MAP3K7: variants seen among roughly 807,000 people sequenced by gnomAD.
The protein encoded by MAP3K7 is mitogen-activated protein kinase kinase kinase 7, also known as TGF-beta activated kinase 1.
Under a neutral mutation model 84.8 loss-of-function variants are expected in MAP3K7, and 21 were observed. That is an observed-to-expected ratio of 0.25 (90% CI 0.18 to 0.36). The LOEUF (loss-of-function observed/expected upper bound fraction) is 0.36. MAP3K7 is among the 10% of genes least tolerant of loss of function. The pLI is 1.00. For synonymous variants in MAP3K7, 241 were observed against 247.7 expected, an observed-to-expected ratio of 0.97 and a Z score of 0.25; for missense variants, 503 against 747.7, an observed-to-expected ratio of 0.67 and a Z score of 3.82.
At chr6:90,544,714 C>A in intron 11 of MAP3K7, 82 bp from the exon 12 acceptor site, 2 of 1,113,976 alleles carry the variant, frequency 1.8e-6, no homozygotes, top group South Asian at 1.3e-5. Context: ...AAAATAGACT[C>A]ATTTTCAAAT....
chr6:90,537,552 T>A (rs1193208914), intron 12 of MAP3K7, among the ~76,000 whole-genome samples: 1 of 152,020 alleles, frequency 6.6e-6, no homozygotes, highest in East Asian at 1.9e-4. Flanking sequence ...AAAACTCAAA[T>A]TTGTAACTCC....
intron 13 of MAP3K7, among the ~76,000 whole-genome samples, chr6:90,532,558 CTAAA>C (rs1456277721): frequency 6.6e-6 from 1 of 152,192 alleles, no homozygotes; most frequent in Non-Finnish European, 1.5e-5. Context: ...GCCCACTTCT[CTAAA>C]TAATCATAAC....
rs536501242 is a variant in MAP3K7, at chr6:90,555,800, G to A, written c.607+700C>T. On this transcript the variant is annotated intron_variant, in intron 6 of 16. Coordinates refer to ENST00000369329, the MANE Select transcript of MAP3K7 (RefSeq NM_145331.3). ...TGATCAATATATAGCCTTGTTTCAT[G>A]CGTATTTCTGCTTAAAGACACCTTA... Among the ~76,000 whole-genome samples, 13 of 152,212 alleles carry A rather than the reference G, an allele frequency of 8.5e-5. No individual in the cohort carries two copies. In the East Asian group the frequency reaches 2.5e-3, roughly 29 times the overall value.
At chr6:90,577,517 G>GA (rs1777126589) in intron 1 of MAP3K7, among the ~76,000 whole-genome samples, 1 of 152,180 alleles carries the variant, frequency 6.6e-6, no homozygotes, top group African/African-American at 2.4e-5. Context: ...TGGAGTAGAG[G>GA]AACTGAGCTT....
Position 90,563,013 on chromosome 6 carries a change from T to C in MAP3K7, c.298-1346A>G, listed in dbSNP as rs1487242089. On this transcript the variant is annotated intron_variant, in intron 3 of 16. Transcript: ENST00000369329. ...TCCAACAAACCTGCAGCTGAGGTCCTGACTGTTAGAAGGAAAACTAATAAA... is the reference window on the plus strand; with the variant it reads ...TCCAACAAACCTGCAGCTGAGGTCCCGACTGTTAGAAGGAAAACTAATAAA... Among the ~76,000 whole-genome samples, 7 of 152,200 alleles carry C rather than the reference T, an allele frequency of 4.6e-5. 1 individual carries two copies. Among genetic ancestry groups the C allele is most frequent in the Non-Finnish European group, 1.0e-4 (7 of 68,038 alleles).
At chr6:90,580,897 T>C (rs1215351856) in intron 1 of MAP3K7, among the ~76,000 whole-genome samples, 21 of 152,252 alleles carry the variant, frequency 1.4e-4, no homozygotes, top group Non-Finnish European at 2.9e-5. Flanking sequence ...TTAATTACTT[T>C]ATGATAAGCA....
intron 13 of MAP3K7, among the ~76,000 whole-genome samples, chr6:90,533,178 C>G (rs1013869266): frequency 6.6e-6 from 1 of 152,144 alleles, no homozygotes; most frequent in Non-Finnish European, 1.5e-5. Context: ...AGTCAGTGCA[C>G]AACAAATGGA....
chr6:90,562,316 T>C (rs1415838311), intron 3 of MAP3K7, among the ~76,000 whole-genome samples: 2 of 152,150 alleles, frequency 1.3e-5, no homozygotes, highest in Admixed American at 6.6e-5. Flanking sequence ...GGGAATTCAC[T>C]TTCCTAGACA....
intron 13 of MAP3K7, among the ~76,000 whole-genome samples, chr6:90,535,615 G>A (rs1232272690): frequency 1.3e-5 from 2 of 151,942 alleles, no homozygotes; most frequent in Non-Finnish European, 2.9e-5. Context: ...ATTAATCTGA[G>A]TAACACAGAA....
At chr6:90,521,608 TGTCA>T (rs1775153593) in intron 14 of MAP3K7, among the ~76,000 whole-genome samples, 1 of 152,104 alleles carries the variant, frequency 6.6e-6, no homozygotes, top group African/African-American at 2.4e-5. Context: ...ACTTTTAATG[TGTCA>T]GTATTATGAC....
At chr6:90,534,195 A>G (rs376546188) in intron 13 of MAP3K7, among the ~76,000 whole-genome samples, 2 of 152,206 alleles carry the variant, frequency 1.3e-5, no homozygotes, top group African/African-American at 4.8e-5. Flanking sequence ...AGACTTCAAA[A>G]AGGATGGCAC....
In MAP3K7 at chr6:90,576,470, CAG is replaced by C. The variant is rs1452785282; in HGVS notation, c.121-4665_121-4664del. ...ACACACACACACACACACACACACA[CAG>C]AAGAAACAACTAATATAAAGCTTTG... is the stretch of plus-strand genomic sequence containing the variant. On this transcript the variant is annotated intron_variant, in intron 1 of 16. Coordinates refer to ENST00000369329, the MANE Select transcript of MAP3K7 (RefSeq NM_145331.3). 7.6e-5 allele frequency among the ~76,000 whole-genome samples: 10 copies of C among 131,478 alleles called. No individual in the cohort carries two copies. The South Asian group carries it at 2.3e-3, about 30-fold the overall frequency. 86.3% of individuals were successfully genotyped at this position (131,478 alleles called of 152,430 possible). A position where few individuals can be genotyped will look rare whatever the true frequency, so the allele number is the denominator to read the frequency against.
chr6:90,541,338 T>C (rs1775850122), intron 12 of MAP3K7, among the ~76,000 whole-genome samples: 1 of 152,002 alleles, frequency 6.6e-6, no homozygotes, highest in Admixed American at 6.6e-5. Flanking sequence ...ATGGTCTAAA[T>C]ACTGGGCAAG....
intron 16 of MAP3K7, among the ~76,000 whole-genome samples, chr6:90,517,383 A>G (rs1420418065): frequency 6.6e-6 from 1 of 150,656 alleles, no homozygotes; most frequent in Non-Finnish European, 1.5e-5. Flanking sequence ...TAATTAATAA[A>G]AAGTCCTCAA....
At chr6:90,539,431 T>C (rs1775785271) in intron 12 of MAP3K7, among the ~76,000 whole-genome samples, 1 of 151,868 alleles carries the variant, frequency 6.6e-6, no homozygotes, top group Admixed American at 6.6e-5. Flanking sequence ...CATCTTAGTA[T>C]AGCACCCCTT....
intron 14 of MAP3K7, among the ~76,000 whole-genome samples, chr6:90,522,365 T>C (rs1382246358): frequency 2.6e-5 from 4 of 152,138 alleles, no homozygotes; most frequent in African/African-American, 7.2e-5. Flanking sequence ...CAGATTAGTG[T>C]AGACTGAAGA....
chr6:90,529,621 G>A (rs1432399936), intron 13 of MAP3K7, among the ~76,000 whole-genome samples: 1 of 152,102 alleles, frequency 6.6e-6, no homozygotes, highest in African/African-American at 2.4e-5. Flanking sequence ...GGAAAATAAG[G>A]ACAGTATTAT....
At position 90,537,155 on chromosome 6, in the gene MAP3K7, C is replaced by T. The variant is rs750633681; in HGVS notation, c.1292-754G>A. On this transcript the variant is annotated intron_variant, in intron 12 of 16. Coordinates refer to ENST00000369329, the MANE Select transcript of MAP3K7 (RefSeq NM_145331.3). ...AATTGAGCAATGGCTTCACTCAGCA[C>T]TTTTATTTGGGAATAAAGCTGTTTA... 7.9e-5 allele frequency: 12 copies of T among 152,030 alleles called. 1 individual carries two copies. The highest frequency in any genetic ancestry group is 1.6e-4 in the Non-Finnish European group (11 of 67,958). 9.4% of individuals were successfully genotyped at this position (152,030 alleles called of 1,614,324 possible).
At chr6:90,521,692 C>G (rs1036802210) in intron 14 of MAP3K7, among the ~76,000 whole-genome samples, 3 of 152,062 alleles carry the variant, frequency 2.0e-5, no homozygotes, top group Non-Finnish European at 4.4e-5. Flanking sequence ...AAGTACTAAG[C>G]AAAGGTGAAA....
Sources: gnomAD v4.1 joint callset for allele counts (sites outside exome capture counted in the v4.1 genomes callset) on GRCh38, gnomAD v4.1.1 for gene constraint, MANE v1.5 for transcripts, NCBI Gene and HGNC (gene_info 2026-07-23, HGNC 2026-07-21) for gene names.